The following CELA2B variants were observed in gnomAD, a reference collection of about 807,000 sequenced individuals.
CELA2B encodes the protein chymotrypsin-like elastase family member 2B.
In CELA2B, 27 loss-of-function variants were observed where a neutral mutation model predicts 36.5. The ratio of observed to expected loss-of-function variants is 0.74; its 90% confidence interval spans 0.55 to 1.02. The LOEUF is 1.02. CELA2B is among the 50% of genes least tolerant of loss of function. The probability of loss-of-function intolerance (pLI) is 0.00; values close to 1 mark genes in which losing one functional copy is unlikely to be tolerated. For missense variants in CELA2B, 340 were observed against 347.8 expected, an observed-to-expected ratio of 0.98 and a Z score of 0.18; for synonymous variants, 143 against 148.5, an observed-to-expected ratio of 0.96 and a Z score of 0.27.
At chr1:15,489,820 G>A (rs1236889972) in intron 7 of CELA2B, among the ~76,000 whole-genome samples, 1 of 152,100 alleles carries the variant, frequency 6.6e-6, no homozygotes, top group East Asian at 1.9e-4. Context: ...TAAAAAAGTA[G>A]AAGTCCCCCC....
chr1:15,484,901 ATT>A (rs1173212338), intron 5 of CELA2B, among the ~76,000 whole-genome samples: 2 of 145,832 alleles, frequency 1.4e-5, no homozygotes, highest in East Asian at 2.0e-4. Flanking sequence ...AAAAAGCTTG[ATT>A]TTTTTTTTTT....
chr1:15,490,109 G>C (rs1218565540), intron 7 of CELA2B, among the ~76,000 whole-genome samples: 1 of 152,068 alleles, frequency 6.6e-6, no homozygotes, highest in Non-Finnish European at 1.5e-5. Context: ...CCTGACCTCA[G>C]GTGATCTGCC....
chr1:15,490,311 A>C (rs1270442611), intron 7 of CELA2B, among the ~76,000 whole-genome samples: 1 of 152,138 alleles, frequency 6.6e-6, no homozygotes, highest in Admixed American at 6.5e-5. Context: ...CTAGGATCTG[A>C]GTCTTCATAC....
chr1:15,476,729 T>C (rs1467896549), intron 2 of CELA2B, among the ~76,000 whole-genome samples, 184 bp downstream of exon 2: 1 of 152,210 alleles, frequency 6.6e-6, no homozygotes, highest in Non-Finnish European at 1.5e-5. Flanking sequence ...ATGCCTGTTA[T>C]CCCAGCACTT....
At chr1:15,485,755 T>A in intron 5 of CELA2B, 146 bp from the exon 6 acceptor site, 1 of 1,029,098 alleles carries the variant, frequency 9.7e-7, no homozygotes, top group South Asian at 1.5e-5. Context: ...ACCAATCAAA[T>A]GTGAGGACAC....
At chr1:15,486,739 T>C (rs759986802) in intron 6 of CELA2B, among the ~76,000 whole-genome samples, 12 of 152,258 alleles carry the variant, frequency 7.9e-5, no homozygotes, top group Non-Finnish European at 1.5e-4. Flanking sequence ...CAGGTAGCTG[T>C]CACGGAAACC....
At chr1:15,489,599 A>G (rs1457070713) in intron 7 of CELA2B, among the ~76,000 whole-genome samples, 1 of 152,212 alleles carries the variant, frequency 6.6e-6, no homozygotes, top group African/African-American at 2.4e-5. Context: ...ATAAACCCAG[A>G]CAGGTGACAA....
intron 2 of CELA2B, among the ~76,000 whole-genome samples, chr1:15,478,471 G>A (rs575617969): frequency 3.3e-5 from 5 of 151,864 alleles, no homozygotes; most frequent in East Asian, 2.0e-4. Context: ...TCTAACTCCC[G>A]ACCTCAGGTA....
At chr1:15,480,964 G>A in intron 2 of CELA2B, 134 bp from the exon 3 acceptor site, 1 of 810,424 alleles carries the variant, frequency 1.2e-6, no homozygotes, top group Non-Finnish European at 2.0e-6. Context: ...GGTTTTGGGT[G>A]CCCCCTTAAG....
At chr1:15,482,223 G>A in intron 3 of CELA2B, 42 bp from the exon 4 acceptor site, 1 of 1,608,524 alleles carries the variant, frequency 6.2e-7, no homozygotes, top group Non-Finnish European at 8.5e-7. Context: ...TCAAAGCCAG[G>A]CCTCTGGAGG....
In CELA2B at chr1:15,487,309, T is replaced by G. The variant is rs900895030; in HGVS notation, c.664T>G (p.Cys222Gly). ...CNGDSGGPLN[C>G]QASDGRWEVH... ...GGGAGACTCCGGTGGGCCGCTGAAC[T>G]GTCAGGCATCTGACGGCCGGTGGGA... The change falls in exon 7 of 8, where the codon TGT becomes GGT. Residue 222 changes from cysteine to glycine, a missense_variant. By Grantham distance (159) the Cys-to-Gly change is radical. Coordinates refer to ENST00000375910, the MANE Select transcript of CELA2B (RefSeq NM_015849.3). 5.0e-6 allele frequency: 8 copies of G among 1,614,092 alleles called. No individual in the cohort carries two copies. The South Asian group carries it at 5.5e-5, about 11-fold the overall frequency.
intron 4 of CELA2B, among the ~76,000 whole-genome samples, chr1:15,482,769 C>T (rs1358934825): frequency 6.6e-6 from 1 of 152,018 alleles, no homozygotes; most frequent in African/African-American, 2.4e-5. Flanking sequence ...AAGCCCTCCG[C>T]ATTTTCTTTT....
chr1:15,485,105 AAGCTGGTC>A lies in CELA2B; in HGVS notation c.494-795_494-788del, dbSNP rs572070141. 2.6e-3 allele frequency among the ~76,000 whole-genome samples: 394 copies of A among 152,268 alleles called. 4 individuals are homozygous for A. The highest frequency in any genetic ancestry group is 8.0e-3 in the African/African-American group (332 of 41,532). On this transcript the variant is annotated intron_variant, in intron 5 of 7. Coordinates refer to ENST00000375910, the MANE Select transcript of CELA2B (RefSeq NM_015849.3). ...GAGACGGGGTTTCACCATGTTGGCC[AAGCTGGTC>A]TCGAACTCCTGACCTCAAGTGATCC... is the stretch of plus-strand genomic sequence containing the variant.
intron 1 of CELA2B, 131 bp downstream of exon 1, chr1:15,476,296 A>C (rs1040453283): frequency 1.3e-5 from 18 of 1,439,884 alleles, no homozygotes; most frequent in Non-Finnish European, 1.7e-5. Context: ...AGAAAACCGA[A>C]ATGGAGTTTC....
intron 7 of CELA2B, among the ~76,000 whole-genome samples, chr1:15,487,946 G>T (rs1004857234): frequency 1.3e-5 from 2 of 149,908 alleles, no homozygotes; most frequent in African/African-American, 5.0e-5. Flanking sequence ...TTTACACTGG[G>T]ACCATCCCAG....
rs1708792146 is a variant in CELA2B, at chr1:15,485,408, C to A, written c.494-493C>A. Reference sequence around the variant, plus strand: ...AGATAAGTGACAGAAAGCCATGGAGCTAGCTCAGCAAAAAAAGGGAAATTG... The same window carrying A: ...AGATAAGTGACAGAAAGCCATGGAGATAGCTCAGCAAAAAAAGGGAAATTG... On this transcript the variant is annotated intron_variant, in intron 5 of 7. Transcript: ENST00000375910. 2.1e-5 allele frequency among the ~76,000 whole-genome samples: 3 copies of A among 143,642 alleles called. No homozygotes were observed. The South Asian group carries it at 6.5e-4, about 31-fold the overall frequency. The allele number at this position is 143,642 out of a possible 152,430, so 94.2% of individuals were successfully genotyped here. A position where few individuals can be genotyped will look rare whatever the true frequency, so the allele number is the denominator to read the frequency against.
In CELA2B at chr1:15,487,378, T is replaced by C; in HGVS notation, c.733T>C (p.Tyr245His). ...CCTCACGTCGGTCCTTGGTTGCAAC[T>C]ACTACTACAAGCCCTCCATCTTCAC... ...GSLTSVLGCN[Y>H]YYKPSIFTRV... is the part of the protein sequence containing the mutation. The change falls in exon 7 of 8, where the codon TAC becomes CAC. Residue 245 changes from tyrosine to histidine, a missense_variant. By Grantham distance (83) the Tyr-to-His change is moderately conservative. Coordinates refer to ENST00000375910, the MANE Select transcript of CELA2B (RefSeq NM_015849.3). 1 of 1,614,160 alleles carries C rather than the reference T, an allele frequency of 6.2e-7. No individual in the cohort carries two copies. Among genetic ancestry groups the C allele is most frequent in the Non-Finnish European group, 8.5e-7 (1 of 1,179,982 alleles).
At chr1:15,477,598 A>G (rs1173259149) in intron 2 of CELA2B, among the ~76,000 whole-genome samples, 3 of 152,204 alleles carry the variant, frequency 2.0e-5, no homozygotes, top group African/African-American at 7.2e-5. Flanking sequence ...CATTTCTTTA[A>G]AGCAGAGCAA....
chr1:15,487,201 C>T, intron 6 of CELA2B, 84 bp from the exon 7 acceptor site: 1 of 1,305,456 alleles, frequency 7.7e-7, no homozygotes, highest in African/African-American at 1.4e-5. Context: ...TGCAGCAGAA[C>T]AATAGAAATG....
Sources: allele counts gnomAD v4.1 joint callset (sites outside exome capture counted in the v4.1 genomes callset), GRCh38; gene constraint gnomAD v4.1.1; transcripts MANE v1.5; gene names NCBI Gene and HGNC (gene_info 2026-07-23, HGNC 2026-07-21).